Variants in CAAP1 observed in about 807,000 individuals in gnomAD.
CAAP1 encodes the protein caspase activity and apoptosis inhibitor 1, also known as conserved anti-apoptotic protein.
A neutral mutation model predicts 34.0 loss-of-function variants in CAAP1; 20 were observed. That is an observed-to-expected ratio of 0.59 (90% confidence interval 0.41 to 0.86). The LOEUF (loss-of-function observed/expected upper bound fraction) is 0.86, where lower values mean the gene tolerates loss of function less well. Ranked by LOEUF, CAAP1 falls within the 40% of genes least tolerant of loss-of-function variation. The probability of loss-of-function intolerance (pLI) is 0.00; values close to 1 mark genes in which losing one functional copy is unlikely to be tolerated. For synonymous variants in CAAP1, 213 were observed against 166.7 expected (o/e 1.28, Z -2.14); for missense variants, 538 against 450.5 (o/e 1.19, Z -1.76).
At chr9:26,874,299 C>T (rs551617109) in intron 4 of CAAP1, among the ~76,000 whole-genome samples, 3 of 150,812 alleles carry the variant, frequency 2.0e-5, no homozygotes, top group African/African-American at 7.3e-5. Context: ...CAAATACAAG[C>T]ATACAATGAA....
chr9:26,870,311 G>C (rs544329347), intron 4 of CAAP1, among the ~76,000 whole-genome samples: 270 of 152,094 alleles, frequency 1.8e-3, no homozygotes, highest in South Asian at 3.9e-3. Flanking sequence ...CTGGGAGGAG[G>C]TTGTTTAAAA....
chr9:26,844,869 T>G (rs1822560870), intron 5 of CAAP1, among the ~76,000 whole-genome samples: 1 of 152,222 alleles, frequency 6.6e-6, no homozygotes. Context: ...GAATTCTATT[T>G]CACAGGATGT....
At chr9:26,849,772 T>C (rs1016212037) in intron 5 of CAAP1, among the ~76,000 whole-genome samples, 9 of 152,210 alleles carry the variant, frequency 5.9e-5, no homozygotes, top group African/African-American at 2.2e-4. Context: ...AACACCTCTT[T>C]AGTTCATAAA....
At chr9:26,858,680 G>A (rs932513224) in intron 5 of CAAP1, among the ~76,000 whole-genome samples, 14 of 152,160 alleles carry the variant, frequency 9.2e-5, no homozygotes, top group South Asian at 6.2e-4. Flanking sequence ...AAAATTAGCC[G>A]GGCGTGGTGG....
intron 4 of CAAP1, among the ~76,000 whole-genome samples, chr9:26,882,409 G>A (rs1283877331): frequency 2.0e-5 from 3 of 152,164 alleles, no homozygotes; most frequent in Admixed American, 1.3e-4. Flanking sequence ...CCAAGCCTTG[G>A]CAGCTTCCAT....
intron 4 of CAAP1, among the ~76,000 whole-genome samples, chr9:26,865,703 A>C (rs1456855711): frequency 6.6e-6 from 1 of 152,206 alleles, no homozygotes; most frequent in Non-Finnish European, 1.5e-5. Flanking sequence ...ACCATATGGC[A>C]AGTACTAATT....
intron 4 of CAAP1, among the ~76,000 whole-genome samples, chr9:26,872,557 T>C (rs911605763): frequency 1.4e-5 from 2 of 146,256 alleles, no homozygotes; most frequent in East Asian, 3.9e-4. Context: ...ACATATAATA[T>C]ATATATATAT....
In CAAP1 at chr9:26,892,672, C is replaced by T. The variant is rs776977296; in HGVS notation, c.44G>A (p.Ser15Asn). ...KSSREKRRKRSSQEAAAALAA... is the reference protein window; with the variant it reads ...KSSREKRRKRNSQEAAAALAA... The stretch of plus-strand genomic sequence containing the variant: ...GAGCGCTGCGGCCGCCTCCTGACTG[C>T]TACGTTTGCGCCGTTTCTCCCGGGA... The change falls in exon 1 of 6, where the codon AGC becomes AAC. Residue 15 changes from serine to asparagine, a missense_variant. Physicochemically the swap from Ser to Asn is conservative, Grantham distance 46. Transcript: ENST00000333916. 4.0e-5 allele frequency: 65 copies of T among 1,606,104 alleles called. No homozygotes were observed. Among genetic ancestry groups the T allele is most frequent in the Non-Finnish European group, 5.3e-5 (62 of 1,178,932 alleles).
chr9:26,852,282 C>T lies in CAAP1; in HGVS notation c.739+8784G>A, dbSNP rs573432201. On this transcript the variant is annotated intron_variant, in intron 5 of 5. Coordinates refer to ENST00000333916, the MANE Select transcript of CAAP1 (RefSeq NM_024828.4). ...CAGCCTGACCAACGTGGTGAAACGC[C>T]GTCTCTATTAAAAATACAAAAAATT... is the stretch of plus-strand genomic sequence containing the variant. Among the ~76,000 whole-genome samples the T allele has an allele frequency of 3.2e-3, 494 of 152,040 alleles. 2 individuals carry two copies. Among genetic ancestry groups the T allele is most frequent in the African/African-American group, 0.011 (473 of 41,494 alleles).
intron 1 of CAAP1, 89 bp from the exon 2 acceptor site, chr9:26,887,602 AT>A (rs1587130370): frequency 1.3e-6 from 1 of 778,396 alleles, no homozygotes; most frequent in East Asian, 2.8e-5. Flanking sequence ...CATTTAATAA[AT>A]TCTTCTTCAT....
chr9:26,844,559 T>C (rs573691939), intron 5 of CAAP1, among the ~76,000 whole-genome samples: 1 of 152,300 alleles, frequency 6.6e-6, no homozygotes, highest in East Asian at 1.9e-4. Flanking sequence ...AGATAATGAA[T>C]GAAGAGCTGA....
intron 5 of CAAP1, among the ~76,000 whole-genome samples, chr9:26,844,380 T>C (rs1314770432): frequency 6.6e-6 from 1 of 152,118 alleles, no homozygotes; most frequent in Non-Finnish European, 1.5e-5. Context: ...AAATAAGTGC[T>C]AAGTTGTTCA....
intron 4 of CAAP1, among the ~76,000 whole-genome samples, chr9:26,869,106 T>C (rs1279135443): frequency 6.6e-6 from 1 of 152,140 alleles, no homozygotes; most frequent in Non-Finnish European, 1.5e-5. Context: ...ACTATAATAA[T>C]TGTTAGATCT....
At chr9:26,883,438 ATC>A (rs1038207309) in intron 4 of CAAP1, among the ~76,000 whole-genome samples, 1 of 152,072 alleles carries the variant, frequency 6.6e-6, no homozygotes, top group African/African-American at 2.4e-5. Flanking sequence ...AATCCATTAA[ATC>A]TCTTTTTCCT....
chr9:26,856,997 AT>A (rs1822885072), intron 5 of CAAP1, among the ~76,000 whole-genome samples: 1 of 152,230 alleles, frequency 6.6e-6, no homozygotes, highest in Non-Finnish European at 1.5e-5. Context: ...ACAGACCAAT[AT>A]TTTACTATTG....
At position 26,840,739 on chromosome 9, in the gene CAAP1, T is replaced by C. The variant is rs1822458048; in HGVS notation, c.*1562A>G. The C allele has an allele frequency of 6.6e-6, 1 of 152,338 alleles. No individual in the cohort carries two copies. The highest frequency in any genetic ancestry group is 2.1e-4 in the South Asian group (1 of 4,834). 9.4% of individuals were successfully genotyped at this position (152,338 alleles called of 1,614,324 possible). ...CAAAGCCCTCAGACCTGTTTTACTT[T>C]ATATGTTTAATCATACAGATGCCAT... On this transcript the variant is annotated 3_prime_UTR_variant, in exon 6 of 6. Transcript: ENST00000333916.
chr9:26,885,844 T>C (rs1219662984), intron 3 of CAAP1, among the ~76,000 whole-genome samples: 3 of 152,202 alleles, frequency 2.0e-5, no homozygotes, highest in African/African-American at 7.2e-5. Flanking sequence ...AGATTTTTGG[T>C]AAACATTTTT....
chr9:26,854,064 AT>A (rs1822813875), intron 5 of CAAP1, among the ~76,000 whole-genome samples: 1 of 152,202 alleles, frequency 6.6e-6, no homozygotes, highest in Admixed American at 6.5e-5. Flanking sequence ...AAGGCATATT[AT>A]GATTCAATAT....
chr9:26,851,254 G>A (rs1417702506), intron 5 of CAAP1, among the ~76,000 whole-genome samples: 1 of 152,148 alleles, frequency 6.6e-6, no homozygotes, highest in Admixed American at 6.5e-5. Flanking sequence ...AAAAATCAGG[G>A]AGATATTCAT....
Sources: gnomAD v4.1 joint callset for allele counts (sites outside exome capture counted in the v4.1 genomes callset) on GRCh38, gnomAD v4.1.1 for gene constraint, MANE v1.5 for transcripts, NCBI Gene and HGNC (gene_info 2026-07-23, HGNC 2026-07-21) for gene names.